FRK: variants seen among roughly 807,000 people sequenced by gnomAD.
FRK encodes the protein tyrosine-protein kinase FRK.
In FRK, 51 loss-of-function variants were observed where a neutral mutation model predicts 56.4. The observed-to-expected ratio is 0.90, with a 90% CI of 0.72 to 1.14. The LOEUF is 1.14. FRK is among the 50% of genes most tolerant of loss of function. The probability of loss-of-function intolerance (pLI) is 0.00; values close to 1 mark genes in which losing one functional copy is unlikely to be tolerated. For synonymous variants in FRK, 245 were observed against 217.9 expected (o/e 1.12, Z -1.10); for missense variants, 570 against 601.4 (o/e 0.95, Z 0.55).
intron 2 of FRK, among the ~76,000 whole-genome samples, chr6:115,978,925 T>G (rs932956744): frequency 1.3e-5 from 2 of 151,924 alleles, no homozygotes. Context: ...TGGTGGCACA[T>G]GCCTATAGTC....
At chr6:116,058,772 G>A (rs375124124) in intron 1 of FRK, among the ~76,000 whole-genome samples, 132 of 152,160 alleles carry the variant, frequency 8.7e-4, no homozygotes, top group African/African-American at 3.0e-3. Flanking sequence ...TTAGCCGGGC[G>A]TGGTGGCAGG....
At chr6:115,960,395 C>T (rs1300761026) in intron 4 of FRK, among the ~76,000 whole-genome samples, 2 of 150,836 alleles carry the variant, frequency 1.3e-5, no homozygotes, top group Non-Finnish European at 1.5e-5. Flanking sequence ...GAGGGTCCTA[C>T]GCCCACGGAA....
chr6:116,021,431 T>C (rs149609523), intron 1 of FRK, among the ~76,000 whole-genome samples: 1,737 of 152,210 alleles, frequency 0.011, 23 homozygotes, highest in African/African-American at 0.035. Context: ...CCTATAATGG[T>C]TGATCATTCA....
the FRK span, among the ~76,000 whole-genome samples, chr6:116,076,161 C>T: frequency 1.3e-5 from 2 of 152,016 alleles, no homozygotes; most frequent in Non-Finnish European, 2.9e-5. Flanking sequence ...AGAACTCTCA[C>T]CAAAAGTTTA....
At chr6:116,024,399 A>T (rs937228971) in intron 1 of FRK, among the ~76,000 whole-genome samples, 1 of 151,084 alleles carries the variant, frequency 6.6e-6, no homozygotes, top group South Asian at 2.1e-4. Context: ...ATATCTCCCA[A>T]TGCTATCCCT....
chr6:115,948,226 A>G (rs1428561471), intron 5 of FRK, among the ~76,000 whole-genome samples: 2 of 152,172 alleles, frequency 1.3e-5, no homozygotes, highest in Non-Finnish European at 2.9e-5. Context: ...CTTGCAGCCA[A>G]CAACCAGAAA....
At chr6:116,092,308 A>AGAACATATG in the FRK span, among the ~76,000 whole-genome samples, 2 of 152,080 alleles carry the variant, frequency 1.3e-5, no homozygotes, top group African/African-American at 2.4e-5. Context: ...CCATATGATG[A>AGAACATATG]GAAGTAGGAC....
intron 1 of FRK, among the ~76,000 whole-genome samples, chr6:116,042,859 C>T (rs1776776840): frequency 6.6e-6 from 1 of 151,584 alleles, no homozygotes; most frequent in Non-Finnish European, 1.5e-5. Context: ...TGCAAAGACA[C>T]ATACAGGCTC....
chr6:115,933,431 A>C lies in FRK; in HGVS notation c.*8983T>G, dbSNP rs1433224440. On this transcript the variant is annotated 3_prime_UTR_variant, in exon 8 of 8. Transcript: ENST00000606080. ...AAAAAATCTATTACTGTTTCTCATA[A>C]CTGAATCCATTATTTTTCTCCATGA... is the stretch of plus-strand genomic sequence containing the variant. 6.6e-6 allele frequency: 1 copy of C among 152,216 alleles called. No homozygotes were observed. Among genetic ancestry groups the C allele is most frequent in the Non-Finnish European group, 1.5e-5 (1 of 68,024 alleles). 9.4% of individuals were successfully genotyped at this position (152,216 alleles called of 1,614,324 possible).
At chr6:116,096,886 A>G in the FRK span, among the ~76,000 whole-genome samples, 8 of 152,146 alleles carry the variant, frequency 5.3e-5, no homozygotes, top group African/African-American at 1.9e-4. Flanking sequence ...ACTCACCACA[A>G]AGGTCCACGG....
chr6:116,061,796 T>A (rs925910739), upstream of FRK, among the ~76,000 whole-genome samples: 1 of 152,168 alleles, frequency 6.6e-6, no homozygotes, highest in African/African-American at 2.4e-5. Flanking sequence ...TTTTTTTTAT[T>A]TCTTTCTTAA....
chr6:116,087,015 G>A, the FRK span, among the ~76,000 whole-genome samples: 31 of 152,350 alleles, frequency 2.0e-4, no homozygotes, highest in African/African-American at 7.0e-4. Context: ...GAGATATCCT[G>A]CATGGGAATG....
chr6:116,025,438 A>G (rs1375898436), intron 1 of FRK, among the ~76,000 whole-genome samples: 1 of 152,202 alleles, frequency 6.6e-6, no homozygotes, highest in African/African-American at 2.4e-5. Flanking sequence ...CTTAAAATCT[A>G]TATATGGAAT....
chr6:115,996,008 G>C (rs1203599521), intron 2 of FRK, among the ~76,000 whole-genome samples: 1 of 152,102 alleles, frequency 6.6e-6, no homozygotes, highest in Non-Finnish European at 1.5e-5. Flanking sequence ...TTTTATATGA[G>C]ATACTGGAGT....
intron 2 of FRK, 21 bp from the exon 3 acceptor site, chr6:115,968,760 T>TAGTTTA (rs1773691677): frequency 1.2e-6 from 2 of 1,605,714 alleles, no homozygotes; most frequent in Non-Finnish European, 1.7e-6. Context: ...AAATAATTCC[T>TAGTTTA]GTTAATAAAC....
At chr6:116,099,224 G>A in the FRK span, among the ~76,000 whole-genome samples, 5 of 152,122 alleles carry the variant, frequency 3.3e-5, no homozygotes, top group Non-Finnish European at 5.9e-5. Flanking sequence ...GTAAGGAGAA[G>A]TTTTTGCTAA....
upstream of FRK, among the ~76,000 whole-genome samples, chr6:116,063,378 A>G (rs1457000587): frequency 6.6e-6 from 1 of 152,178 alleles, no homozygotes; most frequent in Non-Finnish European, 1.5e-5. Flanking sequence ...ATTCAGCCTC[A>G]AAGAAGCAGG....
At chr6:116,051,135 A>G (rs1302323399) in intron 1 of FRK, among the ~76,000 whole-genome samples, 1 of 152,162 alleles carries the variant, frequency 6.6e-6, no homozygotes, top group Non-Finnish European at 1.5e-5. Context: ...ATTTGTGTTA[A>G]CAGGAATATT....
intron 1 of FRK, among the ~76,000 whole-genome samples, chr6:116,004,996 GAA>G (rs372710176): frequency 6.9e-6 from 1 of 144,760 alleles, no homozygotes. Flanking sequence ...CAGGCTGGGA[GAA>G]AAAAAAAAAT....
Sources: allele counts gnomAD v4.1 joint callset (sites outside exome capture counted in the v4.1 genomes callset), GRCh38; gene constraint gnomAD v4.1.1; transcripts MANE v1.5; gene names NCBI Gene and HGNC (gene_info 2026-07-23, HGNC 2026-07-21).